Variants in SLC35F5 observed in about 807,000 individuals in gnomAD.
SLC35F5 encodes HCV NS5A-transactivated protein 3.
In SLC35F5, 54 loss-of-function variants were observed where a neutral mutation model predicts 68.6. That is an observed-to-expected ratio of 0.79 (90% CI 0.63 to 0.99). The LOEUF (loss-of-function observed/expected upper bound fraction) is 0.99. Among genes scored for constraint, SLC35F5 ranks in the 50% least tolerant of loss-of-function variants. The pLI is 0.00. For synonymous variants in SLC35F5, 211 were observed against 205.2 expected, an observed-to-expected ratio of 1.03 and a Z score of -0.24; for missense variants, 567 against 626.9, an observed-to-expected ratio of 0.90 and a Z score of 1.02.
rs1676918724 is a variant in SLC35F5, at chr2:113,755,183, A to G, written c.255T>C (p.Ala85=). 1 of 1,614,058 alleles carries G rather than the reference A, an allele frequency of 6.2e-7. No homozygotes were observed. The highest frequency in any genetic ancestry group is 1.3e-5 in the African/African-American group (1 of 75,020). ...TACATACCGAAGTAAGTTCAGAGGA[A>G]GCAACCCATATCACATCAACAAGCA... The part of the protein sequence containing the change: ...ILLLVDVIWV[A]SSELTSYVFT... The change falls in exon 3 of 16, where the codon GCT becomes GCC. Residue 85 remains alanine (A), a synonymous_variant. Coordinates refer to ENST00000245680, the MANE Select transcript of SLC35F5 (RefSeq NM_025181.5).
intron 3 of SLC35F5, among the ~76,000 whole-genome samples, chr2:113,751,354 T>G (rs1389240353): frequency 6.6e-6 from 1 of 152,240 alleles, no homozygotes; most frequent in Non-Finnish European, 1.5e-5. Context: ...TTTGTTTGTT[T>G]GTTTGTTTTT....
rs1686934182 is a variant in SLC35F5, at chr2:113,710,068, A to G, written c.*5150T>C. Among the ~76,000 whole-genome samples, 1 of 152,148 alleles carries G rather than the reference A, an allele frequency of 6.6e-6. No homozygotes were observed. The highest frequency in any genetic ancestry group is 6.5e-5 in the Admixed American group (1 of 15,272). On this transcript the variant is annotated 3_prime_UTR_variant, in exon 16 of 16. Coordinates refer to ENST00000245680, the MANE Select transcript of SLC35F5 (RefSeq NM_025181.5). Reference sequence around the variant, plus strand: ...TGGGCTCACGTGATCCTCCTGCCTCAGTCTCCCAAAGCACTGGAATTACAG... The same window carrying G: ...TGGGCTCACGTGATCCTCCTGCCTCGGTCTCCCAAAGCACTGGAATTACAG...
chr2:113,743,128 T>C (rs1420829759), intron 6 of SLC35F5, among the ~76,000 whole-genome samples: 1 of 152,248 alleles, frequency 6.6e-6, no homozygotes, highest in Admixed American at 6.5e-5. Flanking sequence ...ACAAGGTTTC[T>C]GCAATTGTGT....
In SLC35F5 at chr2:113,755,751, G is replaced by T. The variant is rs186096154; in HGVS notation, c.41-207C>A. 5.2e-5 allele frequency: 59 copies of T among 1,144,216 alleles called. No homozygotes were observed. The African/African-American group carries it at 5.8e-4, about 11-fold the overall frequency. The allele number at this position is 1,144,216 out of a possible 1,614,324, so 70.9% of individuals were successfully genotyped here. A position where few individuals can be genotyped will look rare whatever the true frequency, so the allele number is the denominator to read the frequency against. On this transcript the variant is annotated intron_variant, in intron 1 of 15. Coordinates refer to ENST00000245680, the MANE Select transcript of SLC35F5 (RefSeq NM_025181.5). ...TACTTAGAGAGATACGCGATACGGG[G>T]CGGGCAGGGAGGGGGAGTAATATAC...
intron 13 of SLC35F5, among the ~76,000 whole-genome samples, chr2:113,721,668 GT>G (rs1687441356): frequency 6.6e-6 from 1 of 152,082 alleles, no homozygotes; most frequent in East Asian, 1.9e-4. Flanking sequence ...CACCTTCCCA[GT>G]TTCACAACCA....
At chr2:113,717,533 C>A in intron 15 of SLC35F5, 1 of 359,736 alleles carries the variant, frequency 2.8e-6, no homozygotes, top group Non-Finnish European at 5.0e-6. Flanking sequence ...TACTGTAATC[C>A]CATTTCACAA....
Position 113,743,722 on chromosome 2 carries a change from T to A in SLC35F5, c.553A>T (p.Thr185Ser). 6.2e-7 allele frequency: 1 copy of A among 1,611,710 alleles called. No homozygotes were observed. The highest frequency in any genetic ancestry group is 8.5e-7 in the Non-Finnish European group (1 of 1,178,718). The change falls in exon 6 of 16, where the codon ACT (threonine) becomes TCT (serine). Residue 185 changes from threonine to serine, a missense_variant. Physicochemically the swap from Thr to Ser is moderately conservative, Grantham distance 58. Transcript: ENST00000245680. ...SEKPESTNID[T>S]EKTPKKSRVR... Reference sequence around the variant, plus strand: ...TCCAAGTTTTGCTTACTTTTTTCAGTATCAATGTTTGTGCTCTCAGGTTTT... The same window carrying A: ...TCCAAGTTTTGCTTACTTTTTTCAGAATCAATGTTTGTGCTCTCAGGTTTT...
intron 7 of SLC35F5, among the ~76,000 whole-genome samples, chr2:113,740,108 T>C (rs1234453469): frequency 6.6e-6 from 1 of 152,216 alleles, no homozygotes; most frequent in African/African-American, 2.4e-5. Context: ...TAAGCATACC[T>C]GTGCAATACA....
rs759153219 is a variant in SLC35F5, at chr2:113,731,699, A to G, written c.921-51T>C. ...TGAGCTAAAGAATTCTGAAAAGCCT[A>G]ATCATGAAGATAAAAATTATTTATA... is the stretch of plus-strand genomic sequence containing the variant. On this transcript the variant is annotated intron_variant, in intron 9 of 15. Coordinates refer to ENST00000245680, the MANE Select transcript of SLC35F5 (RefSeq NM_025181.5). 2.2e-6 allele frequency: 3 copies of G among 1,392,274 alleles called. No individual in the cohort carries two copies. The African/African-American group carries it at 4.3e-5, about 20-fold the overall frequency. 86.2% of individuals were successfully genotyped at this position (1,392,274 alleles called of 1,614,324 possible).
intron 7 of SLC35F5, among the ~76,000 whole-genome samples, chr2:113,741,699 T>C (rs36094493): frequency 0.11 from 15,120 of 142,054 alleles, 857 homozygotes; most frequent in Non-Finnish European, 0.13. Context: ...GAAACTCCAT[T>C]AAAAAAAAAA....
At chr2:113,734,726 A>C (rs1688022052) in intron 8 of SLC35F5, 53 bp from the exon 9 acceptor site, 6 of 1,050,034 alleles carry the variant, frequency 5.7e-6, no homozygotes, top group Non-Finnish European at 8.5e-6. Flanking sequence ...TACTGTCAAC[A>C]TTTTTACTAC....
chr2:113,737,233 T>G (rs1215183760), intron 7 of SLC35F5, among the ~76,000 whole-genome samples: 2 of 152,190 alleles, frequency 1.3e-5, no homozygotes, highest in Admixed American at 1.3e-4. Flanking sequence ...AAAGAAGTAG[T>G]AGAGACACAT....
chr2:113,755,683 C>T (rs777865628), intron 1 of SLC35F5, 139 bp from the exon 2 acceptor site: 5 of 1,051,160 alleles, frequency 4.8e-6, no homozygotes, highest in Non-Finnish European at 7.2e-6. Flanking sequence ...TACTTGCCAC[C>T]TTTCTCAGTA....
chr2:113,709,841 T>TC lies in SLC35F5; in HGVS notation c.*5376dup. 6.6e-6 allele frequency among the ~76,000 whole-genome samples: 1 copy of TC among 152,292 alleles called. No homozygotes were observed. Among genetic ancestry groups the TC allele is most frequent in the South Asian group, 2.1e-4 (1 of 4,824 alleles). ...TTTTGTTTTTTTAACAGACAGGGTC[T>TC]CACTTTGCTGCCCAGGCTGGACTGC... On this transcript the variant is annotated 3_prime_UTR_variant, in exon 16 of 16. Coordinates refer to ENST00000245680, the MANE Select transcript of SLC35F5 (RefSeq NM_025181.5).
chr2:113,716,619 C>A (rs74334898), intron 15 of SLC35F5, among the ~76,000 whole-genome samples: 4 of 151,904 alleles, frequency 2.6e-5, no homozygotes, highest in Non-Finnish European at 5.9e-5. Flanking sequence ...TGCCTAAAAC[C>A]GAGAACTCAT....
At chr2:113,742,617 T>C in intron 7 of SLC35F5, 75 bp downstream of exon 7, 1 of 1,419,384 alleles carries the variant, frequency 7.0e-7, no homozygotes. Context: ...ACTTCAATCC[T>C]ATATTGTTGG....
In SLC35F5 at chr2:113,728,762, T is replaced by G. The variant is rs114695881; in HGVS notation, c.1090+639A>C. On this transcript the variant is annotated intron_variant, in intron 11 of 15. Coordinates refer to ENST00000245680, the MANE Select transcript of SLC35F5 (RefSeq NM_025181.5). ...TATCTATTTATATTCAGATATCTTT[T>G]GAAAGATTATCTTGTCAATGTGTTC... Among the ~76,000 whole-genome samples, 1,077 of 152,352 alleles carry G rather than the reference T, an allele frequency of 7.1e-3. 10 individuals are homozygous for G. The highest frequency in any genetic ancestry group is 0.025 in the African/African-American group (1,031 of 41,584).
rs1289086996 is a variant in SLC35F5, at chr2:113,742,758, T to C, written c.684A>G (p.Ile228Met). 2 of 1,614,052 alleles carry C rather than the reference T, an allele frequency of 1.2e-6. No homozygotes were observed. The highest frequency in any genetic ancestry group is 1.1e-5 in the South Asian group (1 of 91,078). The change falls in exon 7 of 16, where the codon ATA (isoleucine) becomes ATG (methionine). Residue 228 changes from isoleucine to methionine, a missense_variant. Coordinates refer to ENST00000245680, the MANE Select transcript of SLC35F5 (RefSeq NM_025181.5). Reference sequence around the variant, plus strand: ...CAGTAAGTTTCCCCACAGTTTTCAGTATGGATTCTTGTTCTTTCACAGGAT... The same window carrying C: ...CAGTAAGTTTCCCCACAGTTTTCAGCATGGATTCTTGTTCTTTCACAGGAT... The part of the protein sequence containing the change: ...MSYPVKEQES[I>M]LKTVGKLTAT...
At chr2:113,749,924 T>A (rs955870348) in intron 4 of SLC35F5, among the ~76,000 whole-genome samples, 1 of 152,138 alleles carries the variant, frequency 6.6e-6, no homozygotes, top group Non-Finnish European at 1.5e-5. Context: ...TAAACTCATA[T>A]TTCTTTCAAC....
Sources: gnomAD v4.1 joint callset for allele counts (sites outside exome capture counted in the v4.1 genomes callset) on GRCh38, gnomAD v4.1.1 for gene constraint, MANE v1.5 for transcripts, NCBI Gene and HGNC (gene_info 2026-07-23, HGNC 2026-07-21) for gene names.